MAGI2: variants seen among roughly 807,000 people sequenced by gnomAD.
MAGI2 encodes the protein membrane-associated guanylate kinase, WW and PDZ domain-containing protein 2.
MAGI2 carries 35 observed loss-of-function variants against 133.3 expected under a neutral mutation model. That is an observed-to-expected ratio of 0.26 (90% CI 0.20 to 0.35). MAGI2 has a LOEUF of 0.35. Ranked by LOEUF, MAGI2 falls within the 10% of genes least tolerant of loss-of-function variation. The probability of loss-of-function intolerance (pLI) is 1.00; values close to 1 mark genes in which losing one functional copy is unlikely to be tolerated. For synonymous variants in MAGI2, 729 were observed against 710.6 expected, an observed-to-expected ratio of 1.03 and a Z score of -0.41; for missense variants, 1,636 against 1,863.4, an observed-to-expected ratio of 0.88 and a Z score of 2.25.
intron 1 of MAGI2, among the ~76,000 whole-genome samples, chr7:79,016,098 A>G (rs1808702760): frequency 6.6e-6 from 1 of 151,842 alleles, no homozygotes; most frequent in Admixed American, 6.6e-5. Context: ...CCCATGGACA[A>G]CTGAGCTGGC....
chr7:79,122,295 C>T (rs1395587370), intron 1 of MAGI2, among the ~76,000 whole-genome samples: 1 of 152,164 alleles, frequency 6.6e-6, no homozygotes, highest in Non-Finnish European at 1.5e-5. Flanking sequence ...CTACACATGT[C>T]TCTCCAACTA....
chr7:78,818,631 G>A (rs1789814144), intron 2 of MAGI2, among the ~76,000 whole-genome samples: 2 of 152,168 alleles, frequency 1.3e-5, no homozygotes, highest in Admixed American at 6.5e-5. Context: ...ACTTTGGTAT[G>A]TGTGTACATC....
chr7:79,081,200 C>G (rs1816006054), intron 1 of MAGI2, among the ~76,000 whole-genome samples: 1 of 152,116 alleles, frequency 6.6e-6, no homozygotes, highest in African/African-American at 2.4e-5. Flanking sequence ...CTGGGACACT[C>G]TTACTCCTAC....
chr7:78,158,951 C>T (rs975849508), intron 16 of MAGI2, among the ~76,000 whole-genome samples: 8 of 152,086 alleles, frequency 5.3e-5, no homozygotes, highest in Non-Finnish European at 8.8e-5. Flanking sequence ...GACCAGTAAT[C>T]TGCTTTAACC....
At chr7:79,093,537 C>G (rs767626195) in intron 1 of MAGI2, among the ~76,000 whole-genome samples, 1 of 152,026 alleles carries the variant, frequency 6.6e-6, no homozygotes, top group Non-Finnish European at 1.5e-5. Context: ...ATTAGAAATA[C>G]TTTATTGCTA....
In MAGI2 at chr7:78,360,804, A is replaced by T. The variant is rs369580511; in HGVS notation, c.1103+8352T>A. Reference sequence around the variant, plus strand: ...TTAATCAACAATTCCCCAAGTTCAGACTGTCTTCCCCGCCTTCACAAGGCC... The same window carrying T: ...TTAATCAACAATTCCCCAAGTTCAGTCTGTCTTCCCCGCCTTCACAAGGCC... On this transcript the variant is annotated intron_variant, in intron 7 of 21. Coordinates refer to ENST00000354212, the MANE Select transcript of MAGI2 (RefSeq NM_012301.4). 9.1e-4 allele frequency among the ~76,000 whole-genome samples: 139 copies of T among 152,258 alleles called. 1 individual carries two copies. The South Asian group carries it at 0.019, about 20-fold the overall frequency.
chr7:78,040,593 A>G (rs3779337), intron 21 of MAGI2, among the ~76,000 whole-genome samples: 8,413 of 152,242 alleles, frequency 0.055, 279 homozygotes, highest in East Asian at 0.073. Context: ...AGGTAGACGT[A>G]GAGCAGCGGG....
In MAGI2 at chr7:78,075,137, C is replaced by T. The variant is rs57117339; in HGVS notation, c.3706+3810G>A. ...GTGTGGTATGTGCTGGGCAGAGGGT[C>T]CCTGCATCACCGGCTCTAGTGAAAA... is the stretch of plus-strand genomic sequence containing the variant. On this transcript the variant is annotated intron_variant, in intron 21 of 21. Transcript: ENST00000354212. 2.3e-3 allele frequency among the ~76,000 whole-genome samples: 345 copies of T among 152,288 alleles called. 3 individuals carry two copies. Among genetic ancestry groups the T allele is most frequent in the African/African-American group, 8.0e-3 (332 of 41,564 alleles).
At chr7:78,782,773 GC>G (rs1826499655) in intron 2 of MAGI2, among the ~76,000 whole-genome samples, 1 of 152,106 alleles carries the variant, frequency 6.6e-6, no homozygotes, top group South Asian at 2.1e-4. Flanking sequence ...GTGCCGAACA[GC>G]TTTTTTGTAA....
At chr7:79,219,867 C>A (rs531696983) in intron 1 of MAGI2, among the ~76,000 whole-genome samples, 1 of 152,002 alleles carries the variant, frequency 6.6e-6, no homozygotes, top group African/African-American at 2.4e-5. Flanking sequence ...AATATTTGGC[C>A]ACTAAATGTA....
intron 6 of MAGI2, among the ~76,000 whole-genome samples, chr7:78,409,255 G>A (rs73367688): frequency 0.021 from 3,130 of 152,022 alleles, 76 homozygotes; most frequent in African/African-American, 0.062. Context: ...TCAACACACC[G>A]CATGATTTCT....
chr7:79,350,607 A>C (rs1224844230), intron 1 of MAGI2, among the ~76,000 whole-genome samples: 1 of 152,146 alleles, frequency 6.6e-6, no homozygotes, highest in East Asian at 1.9e-4. Context: ...ACTTGCATAC[A>C]TCTTCCTTTG....
Position 78,019,909 on chromosome 7 carries a change from C to T in MAGI2, c.3774G>A (p.Leu1258=), listed in dbSNP as rs913253025. 2 of 1,610,628 alleles carry T rather than the reference C, an allele frequency of 1.2e-6. No homozygotes were observed. Among genetic ancestry groups the T allele is most frequent in the African/African-American group, 1.3e-5 (1 of 74,930 alleles). ...APGLPEVGVS[L]DDGLAPFSPS... ...GAGAGAATGGAGCGAGGCCGTCGTC[C>T]AGGGAGACGCCTACTTCCGGCAGAC... is the stretch of plus-strand genomic sequence containing the variant. The change falls in exon 22 of 22, where the codon CTG becomes CTA. Residue 1258 remains leucine, a synonymous_variant. Transcript: ENST00000354212.
At chr7:78,333,497 T>C (rs752566342) in intron 9 of MAGI2, among the ~76,000 whole-genome samples, 1 of 152,196 alleles carries the variant, frequency 6.6e-6, no homozygotes, top group Non-Finnish European at 1.5e-5. Flanking sequence ...AGTAGAAAAG[T>C]TGCATTTCTC....
At chr7:79,255,673 C>T (rs141246242) in intron 1 of MAGI2, among the ~76,000 whole-genome samples, 44 of 152,008 alleles carry the variant, frequency 2.9e-4, no homozygotes, top group African/African-American at 8.7e-4. Flanking sequence ...GTGTGGAAAT[C>T]GAAGAATATT....
At chr7:78,573,379 TA>T (rs1801924221) in intron 3 of MAGI2, among the ~76,000 whole-genome samples, 1 of 52,322 alleles carries the variant, frequency 1.9e-5, no homozygotes, top group Non-Finnish European at 3.0e-5. Context: ...TATATATATA[TA>T]TATATATATA....
intron 2 of MAGI2, among the ~76,000 whole-genome samples, chr7:78,713,230 G>C (rs1819375160): frequency 1.3e-5 from 2 of 152,108 alleles, no homozygotes; most frequent in African/African-American, 4.8e-5. Context: ...GTTACCTTGT[G>C]CATAATGTTT....
intron 21 of MAGI2, chr7:78,065,552 T>C (rs1171454875): frequency 1.8e-5 from 12 of 671,752 alleles, no homozygotes; most frequent in East Asian, 2.7e-5. Context: ...AGAAAGATAA[T>C]ATTCATGCAG....
intron 2 of MAGI2, among the ~76,000 whole-genome samples, chr7:78,803,397 T>C (rs1393573498): frequency 6.6e-6 from 1 of 152,212 alleles, no homozygotes; most frequent in Non-Finnish European, 1.5e-5. Context: ...ATGGATTATA[T>C]GGCTTTTCAA....
Sources: gnomAD v4.1 joint callset for allele counts (sites outside exome capture counted in the v4.1 genomes callset) on GRCh38, gnomAD v4.1.1 for gene constraint, MANE v1.5 for transcripts, NCBI Gene and HGNC (gene_info 2026-07-23, HGNC 2026-07-21) for gene names.